The following ERMARD variants were observed in gnomAD, a reference collection of about 807,000 sequenced individuals.
ERMARD encodes ER membrane associated RNA degradation.
In ERMARD, 71 loss-of-function variants were observed where a neutral mutation model predicts 83.9. That is an observed-to-expected ratio of 0.85 (90% CI 0.70 to 1.03). ERMARD has a LOEUF of 1.03. Among genes scored for constraint, ERMARD ranks in the 50% least tolerant of loss-of-function variants. ERMARD has a pLI of 0.00. For synonymous variants in ERMARD, 284 were observed against 298.6 expected (o/e 0.95, Z 0.50); for missense variants, 838 against 810.9 (o/e 1.03, Z -0.41).
intron 13 of ERMARD, among the ~76,000 whole-genome samples, chr6:169,773,790 A>G (rs1793261078): frequency 6.6e-6 from 1 of 152,146 alleles, no homozygotes; most frequent in African/African-American, 2.4e-5. Flanking sequence ...AGCTTTTGTT[A>G]ACTTACTGAG....
Position 169,758,983 on chromosome 6 carries a change from G to A in ERMARD, c.523G>A (p.Val175Ile). The A allele has an allele frequency of 6.2e-7, 1 of 1,613,900 alleles. No homozygotes were observed. Among genetic ancestry groups the A allele is most frequent in the Non-Finnish European group, 8.5e-7 (1 of 1,179,916 alleles). ...FSQSVMNVLK[V>I]FVGSPCGLNL... is the part of the protein sequence containing the mutation. Reference sequence around the variant, plus strand: ...TGCGGATTAGATGAATGTGCTAAAAGTCTTCGTTGGCTCTCCGTGTGGTCT... The same window carrying A: ...TGCGGATTAGATGAATGTGCTAAAAATCTTCGTTGGCTCTCCGTGTGGTCT... The change falls in exon 6 of 18, where the codon GTC becomes ATC. Residue 175 changes from valine to isoleucine, a missense_variant. Coordinates refer to ENST00000366773, the MANE Select transcript of ERMARD (RefSeq NM_018341.3).
In ERMARD at chr6:169,759,934, C is replaced by T; in HGVS notation, c.702C>T (p.Phe234=). ...NTKLTLAHRS[F]ISLTNLEDLI... The stretch of plus-strand genomic sequence containing the variant: ...AACTTACATTGGCACATCGCTCTTT[C>T]ATATCTCTTACAAACCTCGAGGATT... The change falls in exon 7 of 18, where the codon TTC becomes TTT. Residue 234 remains phenylalanine, a synonymous_variant. Transcript: ENST00000366773. 6.2e-7 allele frequency: 1 copy of T among 1,614,206 alleles called. No individual in the cohort carries two copies. Among genetic ancestry groups the T allele is most frequent in the Non-Finnish European group, 8.5e-7 (1 of 1,180,030 alleles).
At chr6:169,767,254 T>C (rs1792324332) in intron 10 of ERMARD, 1 of 152,360 alleles carries the variant, frequency 6.6e-6, no homozygotes. Flanking sequence ...GTGTTGTGGC[T>C]GAGTTAAAAA....
chr6:169,751,868 C>T, intron 1 of ERMARD: 3 of 704,134 alleles, frequency 4.3e-6, no homozygotes, highest in South Asian at 5.7e-5. Flanking sequence ...CTGGCGGGCC[C>T]TGCCGGCCTC....
intron 16 of ERMARD, among the ~76,000 whole-genome samples, chr6:169,778,436 C>T (rs987504998): frequency 6.6e-6 from 1 of 152,092 alleles, no homozygotes; most frequent in African/African-American, 2.4e-5. Flanking sequence ...AATATAACAG[C>T]AGATTAACTT....
chr6:169,778,863 G>A (rs1793887624), intron 16 of ERMARD, among the ~76,000 whole-genome samples: 1 of 152,236 alleles, frequency 6.6e-6, no homozygotes, highest in Non-Finnish European at 1.5e-5. Context: ...GGGCTGCTGG[G>A]CGCAGACTGT....
chr6:169,775,496 G>C, intron 14 of ERMARD, 150 bp downstream of exon 14: 1 of 868,826 alleles, frequency 1.2e-6, no homozygotes, highest in Non-Finnish European at 1.8e-6. Context: ...TGGGGAGCTG[G>C]AAGTGTCGCT....
At chr6:169,767,787 A>C (rs1215465171) in intron 10 of ERMARD, 2 of 361,970 alleles carry the variant, frequency 5.5e-6, no homozygotes, top group Non-Finnish European at 1.0e-5. Flanking sequence ...ACACAGGCAC[A>C]GTTGCATATA....
intron 14 of ERMARD, 153 bp from the exon 15 acceptor site, chr6:169,775,787 G>A: frequency 4.0e-6 from 4 of 1,007,756 alleles, no homozygotes; most frequent in Admixed American, 2.9e-5. Flanking sequence ...TTTCTCCACT[G>A]TATTGTCATG....
chr6:169,774,179 C>G (rs1259973360), intron 13 of ERMARD, among the ~76,000 whole-genome samples: 1 of 152,142 alleles, frequency 6.6e-6, no homozygotes. Flanking sequence ...ACTAAAAATA[C>G]AAAAATTAGC....
At chr6:169,770,159 C>T (rs1792727585) in intron 12 of ERMARD, among the ~76,000 whole-genome samples, 1 of 151,934 alleles carries the variant, frequency 6.6e-6, no homozygotes. Flanking sequence ...ATACATGTGA[C>T]AGTTATTTTA....
At chr6:169,775,789 ATTGTC>A in intron 14 of ERMARD, 146 bp from the exon 15 acceptor site, 1 of 1,026,312 alleles carries the variant, frequency 9.7e-7, no homozygotes, top group Non-Finnish European at 1.4e-6. Flanking sequence ...TCTCCACTGT[ATTGTC>A]ATGGTGGCTT....
chr6:169,761,638 C>T (rs956424120), intron 8 of ERMARD, among the ~76,000 whole-genome samples: 2 of 152,086 alleles, frequency 1.3e-5, no homozygotes, highest in African/African-American at 4.8e-5. Context: ...TTTTTAAAAT[C>T]ACTAGTTAGT....
chr6:169,758,478 A>C (rs896157802), intron 5 of ERMARD, among the ~76,000 whole-genome samples: 1 of 152,236 alleles, frequency 6.6e-6, no homozygotes, highest in African/African-American at 2.4e-5. Flanking sequence ...TCAAGCCTGG[A>C]GCCATGCTGC....
At position 169,760,698 on chromosome 6, in the gene ERMARD, A is replaced by AT; in HGVS notation, c.800dup (p.Leu268IlefsTer22). 6.2e-7 allele frequency: 1 copy of AT among 1,614,016 alleles called. No homozygotes were observed. Among genetic ancestry groups the AT allele is most frequent in the South Asian group, 1.1e-5 (1 of 91,046 alleles). On this transcript the variant is annotated frameshift_variant, in exon 8 of 18. Transcript: ENST00000366773. LOFTEE classifies it high-confidence loss of function. ...AGAAGTGATGATGAAATCTGCTTTT[A>AT]TATTAAAAATCATGTTACCATATTG...
intron 12 of ERMARD, among the ~76,000 whole-genome samples, chr6:169,772,573 A>G (rs1303670195): frequency 6.6e-6 from 1 of 151,960 alleles, no homozygotes; most frequent in East Asian, 1.9e-4. Flanking sequence ...CGAGACCAGC[A>G]TGGCCAAACA....
At chr6:169,773,700 G>A (rs940250806) in intron 13 of ERMARD, among the ~76,000 whole-genome samples, 3 of 152,218 alleles carry the variant, frequency 2.0e-5, no homozygotes, top group Non-Finnish European at 2.9e-5. Context: ...GGCTGTTATT[G>A]CTGTCAGCAG....
At chr6:169,775,528 A>G (rs1434068837) in intron 14 of ERMARD, among the ~76,000 whole-genome samples, 182 bp downstream of exon 14, 1 of 152,214 alleles carries the variant, frequency 6.6e-6, no homozygotes, top group Non-Finnish European at 1.5e-5. Context: ...TCCAACTGGC[A>G]TGGGGCCCTG....
chr6:169,759,455 TG>T (rs1585356694), intron 6 of ERMARD, among the ~76,000 whole-genome samples: 1 of 152,288 alleles, frequency 6.6e-6, no homozygotes, highest in Non-Finnish European at 1.5e-5. Flanking sequence ...AGTGTCACTC[TG>T]TCACCCACGC....
Sources: allele counts gnomAD v4.1 joint callset (sites outside exome capture counted in the v4.1 genomes callset), GRCh38; gene constraint gnomAD v4.1.1; transcripts MANE v1.5; gene names NCBI Gene and HGNC (gene_info 2026-07-23, HGNC 2026-07-21).